The following CACNA1C variants were observed in gnomAD, a reference collection of about 807,000 sequenced individuals.
CACNA1C encodes the protein calcium voltage-gated channel subunit alpha1 C, also known as voltage-dependent L-type calcium channel subunit alpha-1C.
In CACNA1C, 30 loss-of-function variants were observed where a neutral mutation model predicts 229.0. The ratio of observed to expected loss-of-function variants is 0.13; its 90% CI spans 0.10 to 0.18. CACNA1C has a LOEUF of 0.18. Among genes scored for constraint, CACNA1C ranks in the 10% least tolerant of loss-of-function variants. The pLI, the probability that CACNA1C is intolerant of heterozygous loss-of-function variation, is 1.00. For missense variants in CACNA1C, 1,658 were observed against 2,845.0 expected (o/e 0.58, Z 9.49); for synonymous variants, 1,114 against 1,132.5 (o/e 0.98, Z 0.33).
rs1565816246 is a variant in CACNA1C, at chr12:2,120,222, A to G, written c.372-103A>G. On this transcript the variant is annotated intron_variant, in intron 2 of 46. Transcript: ENST00000399655. ...AAGGGGCTTGGAATGCATTGTTTAA[A>G]CAAAATTCTTATGAATCTTTGATTC... 2.1e-5 allele frequency: 16 copies of G among 762,912 alleles called. No individual in the cohort carries two copies. The East Asian group carries it at 3.8e-4, about 18-fold the overall frequency. 47.3% of individuals were successfully genotyped at this position (762,912 alleles called of 1,614,324 possible).
chr12:2,235,794 A>G (rs2007044), intron 3 of CACNA1C, among the ~76,000 whole-genome samples: 75,246 of 152,024 alleles, frequency 0.49, 20,913 homozygotes, highest in African/African-American at 0.77. Flanking sequence ...CCGGTGCACC[A>G]GAGCTGTGGA....
chr12:2,119,450 C>T (rs996693027), intron 2 of CACNA1C, among the ~76,000 whole-genome samples: 4 of 152,142 alleles, frequency 2.6e-5, no homozygotes, highest in East Asian at 1.9e-4. Flanking sequence ...GGGGTGGTCC[C>T]GTCGGAAGGG....
chr12:2,224,842 C>A (rs1195584967), intron 3 of CACNA1C, among the ~76,000 whole-genome samples: 2 of 152,122 alleles, frequency 1.3e-5, no homozygotes, highest in African/African-American at 4.8e-5. Flanking sequence ...GTCGTATTTG[C>A]TTGCAAAATG....
chr12:2,635,957 G>A lies in CACNA1C; in HGVS notation c.3912+1577G>A, dbSNP rs115615405. Among the ~76,000 whole-genome samples the A allele has an allele frequency of 5.2e-3, 788 of 152,286 alleles. 9 individuals are homozygous for A. Among genetic ancestry groups the A allele is most frequent in the African/African-American group, 0.018 (748 of 41,558 alleles). ...TTTTAAAATTAGTCTTCCTACTCGTGCTCTGAGACTCCTCTCCCCTTTCTG... is the reference window on the plus strand; with the variant it reads ...TTTTAAAATTAGTCTTCCTACTCGTACTCTGAGACTCCTCTCCCCTTTCTG... On this transcript the variant is annotated intron_variant, in intron 30 of 46. Coordinates refer to ENST00000399655, the MANE Select transcript of CACNA1C (RefSeq NM_000719.7).
At chr12:2,183,658 G>C (rs1268188899) in intron 3 of CACNA1C, among the ~76,000 whole-genome samples, 1 of 152,210 alleles carries the variant, frequency 6.6e-6, no homozygotes, top group East Asian at 1.9e-4. Flanking sequence ...AGCGGGCACA[G>C]AGAGTGGGGC....
At chr12:2,289,628 A>G (rs181172878) in intron 3 of CACNA1C, among the ~76,000 whole-genome samples, 3 of 150,992 alleles carry the variant, frequency 2.0e-5, no homozygotes, top group African/African-American at 7.3e-5. Context: ...GGGTGAGATA[A>G]AGGCACGACG....
intron 42 of CACNA1C, among the ~76,000 whole-genome samples, chr12:2,681,721 G>C (rs1324587856): frequency 6.6e-6 from 1 of 152,080 alleles, no homozygotes; most frequent in Non-Finnish European, 1.5e-5. Flanking sequence ...AGAGAGAATT[G>C]CTTCTACCCT....
chr12:2,657,290 G>A (rs1224883455), intron 34 of CACNA1C, among the ~76,000 whole-genome samples: 1 of 152,168 alleles, frequency 6.6e-6, no homozygotes, highest in Non-Finnish European at 1.5e-5. Context: ...TGACAATTTG[G>A]AAGTAATATT....
intron 26 of CACNA1C, 187 bp downstream of exon 26, chr12:2,607,317 T>C: frequency 1.7e-6 from 1 of 576,800 alleles, no homozygotes. Flanking sequence ...AACCGACTCT[T>C]CTTTCTCTAG....
At chr12:2,492,745 T>C (rs530115683) in intron 6 of CACNA1C, among the ~76,000 whole-genome samples, 14 of 152,360 alleles carry the variant, frequency 9.2e-5, no homozygotes, top group African/African-American at 3.4e-4. Flanking sequence ...TTACCCTAAA[T>C]TCTGGTATTC....
rs888030948 is a variant in CACNA1C at position 2,486,669 on chromosome 12, G to A, written c.916+407G>A. Among the ~76,000 whole-genome samples, 2 of 152,140 alleles carry A rather than the reference G, an allele frequency of 1.3e-5. No homozygotes were observed. The highest frequency in any genetic ancestry group is 4.8e-5 in the African/African-American group (2 of 41,428). ...GGTTGGCCATTGGGAGCCCTTTCAC[G>A]GGGCCGCTTAGCCCTGAGCAACAGG... On this transcript the variant is annotated intron_variant, in intron 6 of 46. Coordinates refer to ENST00000399655, the MANE Select transcript of CACNA1C (RefSeq NM_000719.7). The surrounding 1 kb of genome is among the most constrained non-coding windows in gnomAD (Gnocchi z 4.9).
chr12:2,520,926 T>G (rs1375092421), intron 9 of CACNA1C, among the ~76,000 whole-genome samples: 1 of 152,246 alleles, frequency 6.6e-6, no homozygotes, highest in Non-Finnish European at 1.5e-5. Context: ...ACAGGAGACA[T>G]TCATAGCTTC....
intron 1 of CACNA1C, chr12:2,010,727 G>A (rs2044253533): frequency 1.3e-5 from 2 of 152,216 alleles, no homozygotes; most frequent in South Asian, 2.1e-4. Flanking sequence ...ATATGAGGAA[G>A]CACCTTTAAT....
chr12:2,392,663 G>A (rs2098505672), intron 3 of CACNA1C, among the ~76,000 whole-genome samples: 2 of 152,170 alleles, frequency 1.3e-5, no homozygotes, highest in African/African-American at 4.8e-5. Flanking sequence ...GTTTAAAAAG[G>A]TCCTTTGCAT....
At chr12:2,095,556 C>G (rs996886347) in intron 1 of CACNA1C, among the ~76,000 whole-genome samples, 1 of 152,202 alleles carries the variant, frequency 6.6e-6, no homozygotes, top group African/African-American at 2.4e-5. Flanking sequence ...CGGGAGAATC[C>G]GGGCAGCACT....
At chr12:2,457,437 C>T in intron 4 of CACNA1C, 130 bp from the exon 5 acceptor site, 1 of 919,514 alleles carries the variant, frequency 1.1e-6, no homozygotes, top group Non-Finnish European at 1.6e-6. Flanking sequence ...CACGCACACC[C>T]ACAACGCCCG....
chr12:2,598,262 G>T (rs1327005064), intron 21 of CACNA1C, among the ~76,000 whole-genome samples: 2 of 152,178 alleles, frequency 1.3e-5, no homozygotes, highest in African/African-American at 4.8e-5. Flanking sequence ...GCCCTTGCCT[G>T]CTGCTGGCCC....
At position 2,449,035 on chromosome 12, in the gene CACNA1C, C is replaced by A; in HGVS notation, c.537C>A (p.Ile179=). Residue 179 remains isoleucine (I), a synonymous_variant, in exon 4 of 47, where the codon ATC becomes ATA. Coordinates refer to ENST00000399655, the MANE Select transcript of CACNA1C (RefSeq NM_000719.7). The stretch of plus-strand genomic sequence containing the variant: ...CGGTGGAAGCGTTTTTAAAAGTAAT[C>A]GCCTATGGACTCCTCTTTCACCCCA... ...IFTVEAFLKV[I]AYGLLFHPNA... is the part of the protein sequence containing the mutation. The A allele has an allele frequency of 6.2e-7, 1 of 1,601,168 alleles. No homozygotes were observed. The highest frequency in any genetic ancestry group is 1.3e-5 in the African/African-American group (1 of 74,886).
At chr12:2,438,287 A>ATGGTGGTGG (rs1169158314) in intron 3 of CACNA1C, among the ~76,000 whole-genome samples, 1 of 22,568 alleles carries the variant, frequency 4.4e-5, no homozygotes, top group African/African-American at 1.6e-4. Flanking sequence ...GATAGTGGTA[A>ATGGTGGTGG]TGATGGTGGT....
Sources: gnomAD v4.1 joint callset for allele counts (sites outside exome capture counted in the v4.1 genomes callset) on GRCh38, gnomAD v4.1.1 for gene constraint, Gnocchi (gnomAD v3.1) non-coding constraint, MANE v1.5 for transcripts, NCBI Gene and HGNC (gene_info 2026-07-23, HGNC 2026-07-21) for gene names.